Variants in CCDC88B observed in about 807,000 individuals in gnomAD.
CCDC88B encodes the protein coiled-coil domain-containing protein 88B.
In CCDC88B, 138 loss-of-function variants were observed where a neutral mutation model predicts 183.7. The observed-to-expected ratio is 0.75, with a 90% confidence interval of 0.65 to 0.87. The LOEUF is 0.87. Ranked by LOEUF, CCDC88B falls within the 40% of genes least tolerant of loss-of-function variation. The pLI is 0.00. For missense variants in CCDC88B, 1,822 were observed against 1,965.6 expected (o/e 0.93, Z 1.38); for synonymous variants, 835 against 867.5 (o/e 0.96, Z 0.66).
Position 64,352,215 on chromosome 11 carries a change from A to G in CCDC88B, c.3185A>G (p.Gln1062Arg). 1 of 1,607,552 alleles carries G rather than the reference A, an allele frequency of 6.2e-7. No homozygotes were observed. The highest frequency in any genetic ancestry group is 8.5e-7 in the Non-Finnish European group (1 of 1,176,610). ...VLEEEVRAAR[Q>R]SQEETRGQQQ... ...GAGGAGGAGGTGCGGGCGGCACGGC[A>G]GTCCCAGGAGGAGACCCGCGGGCAG... The change falls in exon 19 of 27, where the codon CAG becomes CGG. Residue 1062 changes from glutamine (Q) to arginine (R), a missense_variant. Coordinates refer to ENST00000356786, the MANE Select transcript of CCDC88B (RefSeq NM_032251.6).
Position 64,353,370 on chromosome 11 carries a change from G to A in CCDC88B, c.3707G>A (p.Ser1236Asn), listed in dbSNP as rs367993483. The A allele has an allele frequency of 2.5e-6, 4 of 1,613,674 alleles. No individual in the cohort carries two copies. The highest frequency in any genetic ancestry group is 2.5e-6 in the Non-Finnish European group (3 of 1,179,972). ...TGCCAGCTATTGACACAGCTGCGAA[G>A]TGCCCAGGAAGAGGAGAACCGGCAG... Reference protein sequence around the residue: ...TQCELLTQLRSAQEEENRQLL... With the variant: ...TQCELLTQLRNAQEEENRQLL... The change falls in exon 22 of 27, where the codon AGT (serine) becomes AAT (asparagine). Residue 1236 changes from serine to asparagine, a missense_variant. By Grantham distance (46) the Ser-to-Asn change is conservative. Transcript: ENST00000356786.
chr11:64,345,028 G>T lies in CCDC88B; in HGVS notation c.2487G>T (p.Glu829Asp). 1 of 1,548,248 alleles carries T rather than the reference G, an allele frequency of 6.5e-7. No individual in the cohort carries two copies. The highest frequency in any genetic ancestry group is 8.7e-7 in the Non-Finnish European group (1 of 1,148,918). The stretch of plus-strand genomic sequence containing the variant: ...CGGGCCGGGAGCGGAGGCAGTGGGA[G>T]CGTGAGGGGTCCAGGCTGCGGGCCC... ...AAAGRERRQWEREGSRLRAQS... is the reference protein window; with the variant it reads ...AAAGRERRQWDREGSRLRAQS... The change falls in exon 14 of 27, where the codon GAG becomes GAT. Residue 829 changes from glutamate to aspartate, a missense_variant. Coordinates refer to ENST00000356786, the MANE Select transcript of CCDC88B (RefSeq NM_032251.6).
Position 64,355,184 on chromosome 11 carries a change from C to A in CCDC88B, c.4100-10C>A. 6.8e-7 allele frequency: 1 copy of A among 1,462,780 alleles called. No individual in the cohort carries two copies. The highest frequency in any genetic ancestry group is 9.0e-7 in the Non-Finnish European group (1 of 1,107,908). 90.6% of individuals were successfully genotyped at this position (1,462,780 alleles called of 1,614,324 possible). On this transcript the variant is annotated splice_polypyrimidine_tract_variant and intron_variant, in intron 24 of 26. Transcript: ENST00000356786. Reference sequence around the variant, plus strand: ...TCCTCTCACCCCCTCCCTGCATGTACCTCTTGCAGGGTCCCCTTCCCCGGC... The same window carrying A: ...TCCTCTCACCCCCTCCCTGCATGTAACTCTTGCAGGGTCCCCTTCCCCGGC...
chr11:64,352,421 C>A (rs1243081480), intron 19 of CCDC88B, 35 bp downstream of exon 19: 2 of 1,499,464 alleles, frequency 1.3e-6, no homozygotes, highest in Non-Finnish European at 1.8e-6. Flanking sequence ...CCTCCCCTGG[C>A]ACCCCCTATC....
At position 64,340,765 on chromosome 11, in the gene CCDC88B, G is replaced by C. The variant is rs201753153; in HGVS notation, c.206+13G>C. 3 of 1,597,518 alleles carry C rather than the reference G, an allele frequency of 1.9e-6. No homozygotes were observed. In the African/African-American group the frequency reaches 4.0e-5, roughly 21 times the overall value. Reference sequence around the variant, plus strand: ...TGCTGGGCATCATGTAAGGGGCATCGGGCCGGGGCGGTGGCGGGGAAGGAT... The same window carrying C: ...TGCTGGGCATCATGTAAGGGGCATCCGGCCGGGGCGGTGGCGGGGAAGGAT... On this transcript the variant is annotated intron_variant, in intron 2 of 26. Coordinates refer to ENST00000356786, the MANE Select transcript of CCDC88B (RefSeq NM_032251.6).
At chr11:64,354,967 A>C (rs1223644495) in intron 24 of CCDC88B, among the ~76,000 whole-genome samples, 1 of 44,394 alleles carries the variant, frequency 2.3e-5, no homozygotes, top group African/African-American at 1.1e-4. Flanking sequence ...CCCTCCCTGC[A>C]TGAGCCTCAG....
chr11:64,353,417 C>CT lies in CCDC88B; in HGVS notation c.3755dup (p.Ser1253GlufsTer30), dbSNP rs1239177505. Reference sequence around the variant, plus strand: ...GCAGCTGCTGGCTGAAGTTCAGGCCCTGAGCCGGGAGAACAGGGAGCTCCT... The same window carrying CT: ...GCAGCTGCTGGCTGAAGTTCAGGCCCTTGAGCCGGGAGAACAGGGAGCTCCT... On this transcript the variant is annotated frameshift_variant, in exon 22 of 27. Transcript: ENST00000356786. LOFTEE classifies it high-confidence loss of function. The CT allele has an allele frequency of 6.2e-7, 1 of 1,613,412 alleles. No homozygotes were observed. Among genetic ancestry groups the CT allele is most frequent in the Non-Finnish European group, 8.5e-7 (1 of 1,179,986 alleles).
intron 20 of CCDC88B, 74 bp from the exon 21 acceptor site, chr11:64,352,980 G>T: frequency 6.6e-7 from 1 of 1,505,590 alleles, no homozygotes; most frequent in South Asian, 1.3e-5. Flanking sequence ...TCCCCTCCCC[G>T]GCATAACTTC....
At position 64,340,273 on chromosome 11, in the gene CCDC88B, G is replaced by A; in HGVS notation, c.7G>A (p.Gly3Arg). The change falls in exon 1 of 27, where the codon GGG (glycine) becomes AGG (arginine). Residue 3 changes from glycine to arginine, a missense_variant. Gly to Arg is a moderately radical substitution (Grantham distance 125). Coordinates refer to ENST00000356786, the MANE Select transcript of CCDC88B (RefSeq NM_032251.6). ...CGGGCACCCCGACCCGGGCATGGAGGGGGGCAAGGGGCCCAGGCTCAGAGA... is the reference window on the plus strand; with the variant it reads ...CGGGCACCCCGACCCGGGCATGGAGAGGGGCAAGGGGCCCAGGCTCAGAGA... The part of the protein sequence containing the change: ME[G>R]GKGPRLRDFL... 7.1e-6 allele frequency: 9 copies of A among 1,267,072 alleles called. No individual in the cohort carries two copies. Among genetic ancestry groups the A allele is most frequent in the Non-Finnish European group, 9.0e-6 (9 of 997,346 alleles). 78.5% of individuals were successfully genotyped at this position (1,267,072 alleles called of 1,614,324 possible).
chr11:64,348,445 T>G (rs1591289231), intron 14 of CCDC88B, among the ~76,000 whole-genome samples: 1 of 151,300 alleles, frequency 6.6e-6, no homozygotes, highest in African/African-American at 2.4e-5. Context: ...GGGCGGGAGG[T>G]TCTATTCACC....
At position 64,357,286 on chromosome 11, in the gene CCDC88B, G is replaced by A. The variant is rs1471222522; in HGVS notation, c.*192G>A. On this transcript the variant is annotated 3_prime_UTR_variant, in exon 27 of 27. Coordinates refer to ENST00000356786, the MANE Select transcript of CCDC88B (RefSeq NM_032251.6). ...TGGAGCTGGGACGAGTGTGTGGACA[G>A]GGGGGATGGCTGGCCCCCACGAGCA... is the stretch of plus-strand genomic sequence containing the variant. The A allele has an allele frequency of 5.3e-6, 4 of 754,498 alleles. No homozygotes were observed. Among genetic ancestry groups the A allele is most frequent in the East Asian group, 2.7e-5 (1 of 37,526 alleles). The allele number at this position is 754,498 out of a possible 1,614,324, so 46.7% of individuals were successfully genotyped here.
chr11:64,342,873 G>A (rs1180979775), intron 10 of CCDC88B, 193 bp downstream of exon 10: 12 of 526,200 alleles, frequency 2.3e-5, no homozygotes, highest in Admixed American at 3.7e-5. Flanking sequence ...AGGTGTAGGG[G>A]AGTGGGGGGG....
intron 10 of CCDC88B, 197 bp downstream of exon 10, chr11:64,342,877 G>A (rs543122145): frequency 1.9e-5 from 10 of 538,200 alleles, no homozygotes; most frequent in African/African-American, 6.0e-5. Flanking sequence ...GTAGGGGAGT[G>A]GGGGGGCTGT....
chr11:64,353,365 G>A lies in CCDC88B; in HGVS notation c.3702G>A (p.Leu1234=). The change falls in exon 22 of 27, where the codon CTG becomes CTA. Residue 1234 remains leucine (L), a synonymous_variant. Transcript: ENST00000356786. Reference sequence around the variant, plus strand: ...CCCCCTGCCAGCTATTGACACAGCTGCGAAGTGCCCAGGAAGAGGAGAACC... The same window carrying A: ...CCCCCTGCCAGCTATTGACACAGCTACGAAGTGCCCAGGAAGAGGAGAACC... ...LTTQCELLTQ[L]RSAQEEENRQ... The A allele has an allele frequency of 3.7e-6, 6 of 1,613,640 alleles. No individual in the cohort carries two copies. The highest frequency in any genetic ancestry group is 4.2e-6 in the Non-Finnish European group (5 of 1,179,972).
Position 64,351,531 on chromosome 11 carries a change from A to G in CCDC88B, c.3014A>G (p.Glu1005Gly), listed in dbSNP as rs778460006. The G allele has an allele frequency of 6.3e-7, 1 of 1,576,644 alleles. No homozygotes were observed. The highest frequency in any genetic ancestry group is 1.1e-5 in the South Asian group (1 of 87,732). Residue 1005 changes from glutamate (E) to glycine (G), a missense_variant, in exon 18 of 27, where the codon GAG (glutamate) becomes GGG (glycine). Coordinates refer to ENST00000356786, the MANE Select transcript of CCDC88B (RefSeq NM_032251.6). ...TTGCAGGGGCAGCTGCAGCACCTGGAGGGGCAGCTGGGGAGCCTGCAGGGC... is the reference window on the plus strand; with the variant it reads ...TTGCAGGGGCAGCTGCAGCACCTGGGGGGGCAGCTGGGGAGCCTGCAGGGC... ...AALQGQLQHL[E>G]GQLGSLQGRA...
chr11:64,353,502 T>C lies in CCDC88B; in HGVS notation c.3833+6T>C. On this transcript the variant is annotated splice_donor_region_variant and intron_variant, in intron 22 of 26. Coordinates refer to ENST00000356786, the MANE Select transcript of CCDC88B (RefSeq NM_032251.6). Reference sequence around the variant, plus strand: ...CGCGAACAGCGGGAGTACCTGTGAGTGGGCCGCCTGGGAGCGGGGTGGGGC... The same window carrying C: ...CGCGAACAGCGGGAGTACCTGTGAGCGGGCCGCCTGGGAGCGGGGTGGGGC... The C allele has an allele frequency of 6.2e-7, 1 of 1,609,042 alleles. No homozygotes were observed. Among genetic ancestry groups the C allele is most frequent in the Non-Finnish European group, 8.5e-7 (1 of 1,178,822 alleles).
intron 14 of CCDC88B, among the ~76,000 whole-genome samples, chr11:64,348,383 G>A (rs1326632760): frequency 6.6e-6 from 1 of 151,968 alleles, no homozygotes; most frequent in Non-Finnish European, 1.5e-5. Context: ...CTTGGGGGAG[G>A]GGGTTCTAGG....
rs2035926588 is a variant in CCDC88B at position 64,342,673 on chromosome 11, A to C, written c.1055A>C (p.Gln352Pro). The C allele has an allele frequency of 3.3e-6, 5 of 1,493,224 alleles. No individual in the cohort carries two copies. Among genetic ancestry groups the C allele is most frequent in the Non-Finnish European group, 4.4e-6 (5 of 1,127,584 alleles). 92.5% of individuals were successfully genotyped at this position (1,493,224 alleles called of 1,614,324 possible). A position where few individuals can be genotyped will look rare whatever the true frequency, so the allele number is the denominator to read the frequency against. ...RLQAAEAYKS[Q>P]LEEERVLSGV... ...CAGGCGGCTGAGGCCTACAAGAGTC[A>C]GCTGGAGGTGAGGCGGAGACGGAGC... The change falls in exon 10 of 27, where the codon CAG becomes CCG. Residue 352 changes from glutamine to proline, a missense_variant. By Grantham distance (76) the Gln-to-Pro change is moderately conservative. Coordinates refer to ENST00000356786, the MANE Select transcript of CCDC88B (RefSeq NM_032251.6).
chr11:64,340,476 C>G, intron 1 of CCDC88B, 131 bp from the exon 2 acceptor site: 1 of 1,417,700 alleles, frequency 7.1e-7, no homozygotes. Context: ...GTGTGGGGGG[C>G]TGTGGTGAGG....
Sources: allele counts gnomAD v4.1 joint callset (sites outside exome capture counted in the v4.1 genomes callset), GRCh38; gene constraint gnomAD v4.1.1; transcripts MANE v1.5; gene names NCBI Gene and HGNC (gene_info 2026-07-23, HGNC 2026-07-21).